Variants in GALC observed in about 807,000 individuals in gnomAD.
GALC encodes galactosylceramidase, also known as galactocerebrosidase.
GALC carries 77 observed loss-of-function variants against 91.8 expected under a neutral mutation model. That is an observed-to-expected ratio of 0.84 (90% CI 0.70 to 1.01). The LOEUF (loss-of-function observed/expected upper bound fraction) is 1.01. Ranked by LOEUF, GALC falls within the 50% of genes least tolerant of loss-of-function variation. The probability of loss-of-function intolerance (pLI) is 0.00; values close to 1 mark genes in which losing one functional copy is unlikely to be tolerated. For missense variants in GALC, 882 were observed against 855.9 expected (o/e 1.03, Z -0.38); for synonymous variants, 357 against 306.7 (o/e 1.16, Z -1.71).
At chr14:87,959,870 T>C (rs761133266) in intron 10 of GALC, among the ~76,000 whole-genome samples, 1 of 152,048 alleles carries the variant, frequency 6.6e-6, no homozygotes, top group East Asian at 1.9e-4. Context: ...AGCCAAGATA[T>C]GGAATCAACC....
chr14:87,959,594 C>T (rs1595209134), intron 10 of GALC: 1 of 152,166 alleles, frequency 6.6e-6, no homozygotes, highest in Non-Finnish European at 1.5e-5. Context: ...GTGGCAGACG[C>T]CTGTAATCCC....
At chr14:87,985,176 G>C (rs1199700446) in intron 4 of GALC, among the ~76,000 whole-genome samples, 1 of 151,980 alleles carries the variant, frequency 6.6e-6, no homozygotes, top group Non-Finnish European at 1.5e-5. Context: ...AATAAGAAGA[G>C]TAGAAAAGTA....
chr14:87,984,383 A>G lies in GALC; in HGVS notation c.582+11T>C, dbSNP rs200131354. ...TCCAAAACTGAATCATATTTTAAATATATTACTAACTCCAATATAATCAAT... is the reference window on the plus strand; with the variant it reads ...TCCAAAACTGAATCATATTTTAAATGTATTACTAACTCCAATATAATCAAT... On this transcript the variant is annotated intron_variant, in intron 5 of 16. Transcript: ENST00000261304. The G allele has an allele frequency of 8.1e-6, 13 of 1,607,194 alleles. No individual in the cohort carries two copies. The highest frequency in any genetic ancestry group is 1.3e-5 in the African/African-American group (1 of 74,738).
chr14:87,968,626 G>A, intron 7 of GALC, 136 bp from the exon 8 acceptor site: 1 of 820,156 alleles, frequency 1.2e-6, no homozygotes, highest in Non-Finnish European at 2.0e-6. Context: ...TAGCTTCCAG[G>A]TAGATAATGA....
Position 87,984,381 on chromosome 14 carries a change from A to G in GALC, c.582+13T>C. The G allele has an allele frequency of 4.4e-6, 7 of 1,603,968 alleles. No individual in the cohort carries two copies. Among genetic ancestry groups the G allele is most frequent in the Non-Finnish European group, 6.0e-6 (7 of 1,173,060 alleles). On this transcript the variant is annotated intron_variant, in intron 5 of 16. Transcript: ENST00000261304. ...TGTCCAAAACTGAATCATATTTTAA[A>G]TATATTACTAACTCCAATATAATCA...
chr14:87,990,400 G>GT (rs1887148026), intron 1 of GALC, among the ~76,000 whole-genome samples: 1 of 152,182 alleles, frequency 6.6e-6, no homozygotes, highest in Non-Finnish European at 1.5e-5. Context: ...TTCAACTGCT[G>GT]TAAGACTAAA....
At chr14:87,954,692 T>G (rs1885448057) in intron 10 of GALC, 4 of 1,554,612 alleles carry the variant, frequency 2.6e-6, no homozygotes, top group Non-Finnish European at 2.7e-6. Flanking sequence ...TTCAGAGCTG[T>G]CATTTCCTAT....
intron 16 of GALC, among the ~76,000 whole-genome samples, chr14:87,938,245 G>GA (rs1884674485): frequency 6.6e-6 from 1 of 151,950 alleles, no homozygotes; most frequent in African/African-American, 2.4e-5. Context: ...AAGGGAGTAG[G>GA]AAAACACATG....
chr14:87,963,285 C>T (rs776151581), intron 10 of GALC, 99 bp downstream of exon 10: 9 of 1,279,650 alleles, frequency 7.0e-6, no homozygotes, highest in Middle Eastern at 1.9e-4. Context: ...TGTCTGTATG[C>T]TTATGTATTT....
chr14:87,934,821 T>C lies in GALC; in HGVS notation c.1969A>G (p.Asn657Asp). 6.2e-7 allele frequency: 1 copy of C among 1,613,106 alleles called. No homozygotes were observed. The change falls in exon 17 of 17, where the codon AAT becomes GAT. Residue 657 changes from asparagine (N) to aspartate (D), a missense_variant. Asn to Asp is a conservative substitution (Grantham distance 23). Transcript: ENST00000261304. ...GCAGCCCAGCCATTCTTTGGAAAAT[T>C]CACAGGGATGTCTGTCCACAGAGAC... is the stretch of plus-strand genomic sequence containing the variant. ...DKSLWTDIPV[N>D]FPKNGWAAIG... is the part of the protein sequence containing the mutation.
At chr14:87,935,046 A>G (rs1884511360) in intron 16 of GALC, among the ~76,000 whole-genome samples, 168 bp from the exon 17 acceptor site, 1 of 152,112 alleles carries the variant, frequency 6.6e-6, no homozygotes, top group African/African-American at 2.4e-5. Context: ...TTTAAAATAC[A>G]GGAAAAAACT....
chr14:87,961,245 T>G (rs450327), intron 10 of GALC, among the ~76,000 whole-genome samples: 1 of 152,156 alleles, frequency 6.6e-6, no homozygotes, highest in Non-Finnish European at 1.5e-5. Context: ...AAATGCATAT[T>G]GAACTACAAT....
At chr14:87,956,365 A>G (rs1322182459) in intron 10 of GALC, among the ~76,000 whole-genome samples, 1 of 152,038 alleles carries the variant, frequency 6.6e-6, no homozygotes, top group African/African-American at 2.4e-5. Context: ...GAGAGGATCA[A>G]TGCCCAGAGT....
At chr14:87,947,634 A>G in intron 13 of GALC, 94 bp downstream of exon 13, 1 of 1,216,822 alleles carries the variant, frequency 8.2e-7, no homozygotes, top group South Asian at 1.2e-5. Flanking sequence ...TGCTTTTGAC[A>G]GCCACTCCAT....
intron 16 of GALC, among the ~76,000 whole-genome samples, chr14:87,936,729 C>T (rs185830504): frequency 7.3e-5 from 11 of 151,492 alleles, no homozygotes; most frequent in Non-Finnish European, 2.9e-5. Context: ...CAGAAGTTAT[C>T]TCCATTTTGC....
rs2119702 is a variant in GALC at position 87,986,934 on chromosome 14, T to G, written c.329-332A>C. On this transcript the variant is annotated intron_variant, in intron 3 of 16. Transcript: ENST00000261304. Reference sequence around the variant, plus strand: ...TGGGCTTTTGATCTCTCTGTAGTTTTCAAATCCCCATGTCCAACTTTAAGT... The same window carrying G: ...TGGGCTTTTGATCTCTCTGTAGTTTGCAAATCCCCATGTCCAACTTTAAGT... 152,436 of 436,060 alleles carry G rather than the reference T, an allele frequency of 0.35. 29,858 individuals are homozygous for G. The highest frequency in any genetic ancestry group is 0.6 in the East Asian group (9,433 of 15,666). The allele number at this position is 436,060 out of a possible 1,614,324, so 27.0% of individuals were successfully genotyped here. A position where few individuals can be genotyped will look rare whatever the true frequency, so the allele number is the denominator to read the frequency against.
intron 1 of GALC, among the ~76,000 whole-genome samples, chr14:87,991,672 T>C (rs1437312195): frequency 6.6e-6 from 1 of 152,230 alleles, no homozygotes; most frequent in East Asian, 1.9e-4. Context: ...CATTATTTAG[T>C]GAGTTCCTAT....
rs1164097822 is a variant in GALC, at chr14:87,988,149, G to A, written c.323C>T (p.Thr108Ile). ...LKVEIGGDGQ[T>I]TDGTEPSHMH... The stretch of plus-strand genomic sequence containing the variant: ...TATCTCCCAAATTCTCCTACCTGTT[G>A]TCTGCCCATCACCACCTATTTCCAC... Residue 108 changes from threonine to isoleucine, a missense_variant, in exon 3 of 17, where the codon ACA (threonine) becomes ATA (isoleucine). Thr to Ile is a moderately conservative substitution (Grantham distance 89). Transcript: ENST00000261304. 3 of 1,613,276 alleles carry A rather than the reference G, an allele frequency of 1.9e-6. No individual in the cohort carries two copies. The highest frequency in any genetic ancestry group is 2.5e-6 in the Non-Finnish European group (3 of 1,179,510).
At chr14:87,950,893 T>A (rs1377427236) in intron 10 of GALC, 145 bp from the exon 11 acceptor site, 21 of 604,084 alleles carry the variant, frequency 3.5e-5, no homozygotes, top group Non-Finnish European at 5.7e-5. Flanking sequence ...TTTTAAAGAC[T>A]TTTTTACAAT....
Sources: allele counts gnomAD v4.1 joint callset (sites outside exome capture counted in the v4.1 genomes callset), GRCh38; gene constraint gnomAD v4.1.1; transcripts MANE v1.5; gene names NCBI Gene and HGNC (gene_info 2026-07-23, HGNC 2026-07-21).